Variants in PRKAB1 observed in about 807,000 individuals in gnomAD.
PRKAB1 encodes the protein protein kinase AMP-activated non-catalytic subunit beta 1, also known as 5'-AMP-activated protein kinase subunit beta-1.
A neutral mutation model predicts 32.0 loss-of-function variants in PRKAB1; 18 were observed. The ratio of observed to expected loss-of-function variants is 0.56; its 90% confidence interval spans 0.39 to 0.83. PRKAB1 has a LOEUF of 0.83. PRKAB1 is among the 40% of genes least tolerant of loss of function. PRKAB1 has a pLI of 0.00. For missense variants in PRKAB1, 263 were observed against 352.6 expected (o/e 0.75, Z 2.03); for synonymous variants, 141 against 141.4 (o/e 1.00, Z 0.02).
At chr12:119,672,508 T>C in intron 2 of PRKAB1, 44 bp downstream of exon 2, 1 of 1,445,494 alleles carries the variant, frequency 6.9e-7, no homozygotes, top group Non-Finnish European at 9.2e-7. Context: ...TAACATAAAT[T>C]CTCTTCTTTC....
chr12:119,673,996 C>T lies in PRKAB1; in HGVS notation c.356C>T (p.Pro119Leu), dbSNP rs757346466. The change falls in exon 3 of 7, where the codon CCG becomes CTG. Residue 119 changes from proline to leucine, a missense_variant. Physicochemically the swap from Pro to Leu is moderately conservative, Grantham distance 98. Coordinates refer to ENST00000229328, the MANE Select transcript of PRKAB1 (RefSeq NM_006253.5). ...HNNFVAILDL[P>L]EGEHQYKFFV... The stretch of plus-strand genomic sequence containing the variant: ...AACTTTGTAGCCATCCTGGATCTGC[C>T]GGAAGGAGAGCATCAGTACAAGTTC... 3.1e-6 allele frequency: 5 copies of T among 1,613,806 alleles called. No homozygotes were observed. Among genetic ancestry groups the T allele is most frequent in the Admixed American group, 3.3e-5 (2 of 59,982 alleles).
chr12:119,668,170 G>A lies in PRKAB1; in HGVS notation c.-75G>A, dbSNP rs1004075103. On this transcript the variant is annotated 5_prime_UTR_variant, in exon 1 of 7. Coordinates refer to ENST00000229328, the MANE Select transcript of PRKAB1 (RefSeq NM_006253.5). ...AGGCTCCTTGGGACCCGCGGTTCCGGGAGTCCCTTGCTCAGGGTCCCTTTC... is the reference window on the plus strand; with the variant it reads ...AGGCTCCTTGGGACCCGCGGTTCCGAGAGTCCCTTGCTCAGGGTCCCTTTC... 9.2e-6 allele frequency: 13 copies of A among 1,410,576 alleles called. No individual in the cohort carries two copies. Among genetic ancestry groups the A allele is most frequent in the Non-Finnish European group, 1.2e-5 (13 of 1,083,014 alleles). 87.4% of individuals were successfully genotyped at this position (1,410,576 alleles called of 1,614,324 possible).
At position 119,674,129 on chromosome 12, in the gene PRKAB1, C is replaced by T; in HGVS notation, c.417+72C>T. ...AACAAATCACCTTCCCAAGAGATTG[C>T]CGCTAGGTCCCTTTGCCCAGCTAGT... On this transcript the variant is annotated intron_variant, in intron 3 of 6. Coordinates refer to ENST00000229328, the MANE Select transcript of PRKAB1 (RefSeq NM_006253.5). The surrounding 1 kb of genome is among the most constrained non-coding windows in gnomAD (Gnocchi z 4.3). 7.1e-7 allele frequency: 1 copy of T among 1,403,878 alleles called. No homozygotes were observed. The highest frequency in any genetic ancestry group is 1.8e-5 in the Admixed American group (1 of 54,648). The allele number at this position is 1,403,878 out of a possible 1,614,324, so 87.0% of individuals were successfully genotyped here. A position where few individuals can be genotyped will look rare whatever the true frequency, so the allele number is the denominator to read the frequency against.
At chr12:119,677,946 A>G (rs1955438460) in intron 5 of PRKAB1, 1 of 151,988 alleles carries the variant, frequency 6.6e-6, no homozygotes, top group South Asian at 2.1e-4. Flanking sequence ...TTGTATTTTT[A>G]GTAAAGATGG....
Position 119,680,626 on chromosome 12 carries a change from G to A in PRKAB1, c.*301G>A. The A allele has an allele frequency of 2.5e-6, 1 of 405,698 alleles. No homozygotes were observed. The highest frequency in any genetic ancestry group is 4.5e-6 in the Non-Finnish European group (1 of 222,398). The allele number at this position is 405,698 out of a possible 1,614,324, so 25.1% of individuals were successfully genotyped here. ...CTGGCCCCGCGGTGCATGAGGCTGG[G>A]TGCAGTTCTAAACCTACATTCTCGA... On this transcript the variant is annotated 3_prime_UTR_variant, in exon 7 of 7. Transcript: ENST00000229328.
intron 6 of PRKAB1, 35 bp from the exon 7 acceptor site, chr12:119,680,213 G>GTCCA: frequency 1.3e-6 from 2 of 1,597,008 alleles, no homozygotes; most frequent in Middle Eastern, 1.7e-4. Flanking sequence ...GAGCCCCTTA[G>GTCCA]TCCAGCCTTT....
intron 1 of PRKAB1, among the ~76,000 whole-genome samples, chr12:119,670,715 C>T (rs1173188954): frequency 6.6e-6 from 1 of 152,240 alleles, no homozygotes; most frequent in African/African-American, 2.4e-5. Context: ...ATTCTCACTT[C>T]ATTAGAAGTT....
In PRKAB1 at chr12:119,671,417, G is replaced by T. The variant is rs375692560; in HGVS notation, c.160-884G>T. ...GACTGGGTAATTTATAAAGAAAAGA[G>T]GTTTAATTGACTCAGTTCCGCATGG... is the stretch of plus-strand genomic sequence containing the variant. On this transcript the variant is annotated intron_variant, in intron 1 of 6. Transcript: ENST00000229328. 2.3e-5 allele frequency: 8 copies of T among 340,748 alleles called. No homozygotes were observed. The East Asian group carries it at 4.4e-4, about 19-fold the overall frequency. 21.1% of individuals were successfully genotyped at this position (340,748 alleles called of 1,614,324 possible). A position where few individuals can be genotyped will look rare whatever the true frequency, so the allele number is the denominator to read the frequency against.
chr12:119,677,761 G>GTTTTTTTTTTTTTTTT (rs58948706), intron 5 of PRKAB1: 1 of 99,554 alleles, frequency 1.0e-5, no homozygotes, highest in Non-Finnish European at 1.9e-5. Context: ...AGTGAGGTTT[G>GTTTTTTTTTTTTTTTT]TTTTTTTTTT....
rs913104801 is a variant in PRKAB1 at position 119,668,333 on chromosome 12, A to G, written c.89A>G (p.Asp30Gly). The G allele has an allele frequency of 1.9e-6, 3 of 1,613,096 alleles. No individual in the cohort carries two copies. Among genetic ancestry groups the G allele is most frequent in the Admixed American group, 3.3e-5 (2 of 59,848 alleles). The change falls in exon 1 of 7, where the codon GAC becomes GGC. Residue 30 changes from aspartate (D) to glycine (G), a missense_variant. Physicochemically the swap from Asp to Gly is moderately conservative, Grantham distance 94 (BLOSUM62 -1). Transcript: ENST00000229328. ...PRRDSSGGTKDGDRPKILMDS... is the reference protein window; with the variant it reads ...PRRDSSGGTKGGDRPKILMDS... Reference sequence around the variant, plus strand: ...AGGGACAGCTCGGGGGGCACCAAGGACGGGGACAGGCCCAAGATCCTGATG... The same window carrying G: ...AGGGACAGCTCGGGGGGCACCAAGGGCGGGGACAGGCCCAAGATCCTGATG...
chr12:119,668,043 C>T, upstream of PRKAB1: 2 of 583,612 alleles, frequency 3.4e-6, no homozygotes, highest in Non-Finnish European at 5.6e-6. Context: ...CTTGCCTGGG[C>T]AGGTAAAGCG....
At position 119,672,932 on chromosome 12, in the gene PRKAB1, T is replaced by A. The variant is rs140982621; in HGVS notation, c.323+468T>A. Among the ~76,000 whole-genome samples the A allele has an allele frequency of 3.7e-3, 569 of 152,296 alleles. 2 individuals are homozygous for A. Among genetic ancestry groups the A allele is most frequent in the Admixed American group, 7.0e-3 (107 of 15,312 alleles). ...CTTTGACTCTGCGTAATACTTTGTT[T>A]GAAAAGTACATGTTGGCTGGGCATG... On this transcript the variant is annotated intron_variant, in intron 2 of 6. Coordinates refer to ENST00000229328, the MANE Select transcript of PRKAB1 (RefSeq NM_006253.5).
Position 119,676,583 on chromosome 12 carries a change from C to A in PRKAB1, c.579C>A (p.Val193=). The stretch of plus-strand genomic sequence containing the variant: ...GACCCTACCATCAGGAGCCCTACGT[C>A]TGCAAACCCGAAGAGCGCTTTCGGG... ...PPGPYHQEPY[V]CKPEERFRAP... Residue 193 remains valine (V), a synonymous_variant, in exon 5 of 7, where the codon GTC becomes GTA. Transcript: ENST00000229328. 1 of 1,613,826 alleles carries A rather than the reference C, an allele frequency of 6.2e-7. No individual in the cohort carries two copies. The highest frequency in any genetic ancestry group is 8.5e-7 in the Non-Finnish European group (1 of 1,179,690).
chr12:119,668,785 T>C (rs904384362), intron 1 of PRKAB1, among the ~76,000 whole-genome samples: 2 of 152,222 alleles, frequency 1.3e-5, no homozygotes, highest in African/African-American at 4.8e-5. Context: ...TCCCTCACCT[T>C]TACACAAACT....
chr12:119,674,450 G>A lies in PRKAB1; in HGVS notation c.528G>A (p.Val176=). 1 of 1,606,626 alleles carries A rather than the reference G, an allele frequency of 6.2e-7. No homozygotes were observed. Among genetic ancestry groups the A allele is most frequent in the Non-Finnish European group, 8.5e-7 (1 of 1,173,148 alleles). The change falls in exon 4 of 7, where the codon GTG becomes GTA. Residue 176 remains valine, a synonymous_variant. Transcript: ENST00000229328. The surrounding 1 kb of genome is among the most constrained non-coding windows in gnomAD (Gnocchi z 4.3). ...TGGATTCCCAAAAGTGCTCCGATGT[G>A]TCTGGTATGAACACAGTTATTTTAT... ...LMVDSQKCSD[V]SELSSSPPGP... is the part of the protein sequence containing the mutation.
In PRKAB1 at chr12:119,676,700, C is replaced by T. The variant is rs757921601; in HGVS notation, c.666+30C>T. ...GTATGTGGGCATCTGCCCGGACCAT[C>T]CGCCGTGGGTCATGTTCAGTTGCTT... On this transcript the variant is annotated intron_variant, in intron 5 of 6. Coordinates refer to ENST00000229328, the MANE Select transcript of PRKAB1 (RefSeq NM_006253.5). The T allele has an allele frequency of 8.1e-6, 13 of 1,609,326 alleles. 1 individual carries two copies. In the Admixed American group the frequency reaches 2.2e-4, roughly 27 times the overall value.
chr12:119,674,925 A>G lies in PRKAB1; in HGVS notation c.532+471A>G, dbSNP rs758534450. Reference sequence around the variant, plus strand: ...CCTTGTCAGAATCCCTTTGGGGAGGATGCGGCTCCCCACGGGAAACAGCCT... The same window carrying G: ...CCTTGTCAGAATCCCTTTGGGGAGGGTGCGGCTCCCCACGGGAAACAGCCT... On this transcript the variant is annotated intron_variant, in intron 4 of 6. Coordinates refer to ENST00000229328, the MANE Select transcript of PRKAB1 (RefSeq NM_006253.5). The surrounding 1 kb of genome is among the most constrained non-coding windows in gnomAD (Gnocchi z 4.3). Among the ~76,000 whole-genome samples the G allele has an allele frequency of 6.6e-6, 1 of 152,212 alleles. No homozygotes were observed. The highest frequency in any genetic ancestry group is 1.5e-5 in the Non-Finnish European group (1 of 68,038).
chr12:119,671,163 G>T (rs1955385499), intron 1 of PRKAB1, among the ~76,000 whole-genome samples: 1 of 152,238 alleles, frequency 6.6e-6, no homozygotes, highest in African/African-American at 2.4e-5. Flanking sequence ...TCCCTAGACA[G>T]AACTTTGTGA....
At chr12:119,680,142 G>A in intron 6 of PRKAB1, 106 bp from the exon 7 acceptor site, 1 of 1,488,658 alleles carries the variant, frequency 6.7e-7, no homozygotes, top group South Asian at 1.2e-5. Context: ...AGGTTCTGAA[G>A]CTGGCCCGGG....
Sources: allele counts gnomAD v4.1 joint callset (sites outside exome capture counted in the v4.1 genomes callset), GRCh38; gene constraint gnomAD v4.1.1; non-coding constraint Gnocchi (gnomAD v3.1); transcripts MANE v1.5; gene names NCBI Gene and HGNC (gene_info 2026-07-23, HGNC 2026-07-21).